The following PTPRK variants were observed in gnomAD, a reference collection of about 807,000 sequenced individuals.
PTPRK encodes the protein protein tyrosine phosphatase receptor type K, also known as receptor-type tyrosine-protein phosphatase kappa.
A neutral mutation model predicts 178.0 loss-of-function variants in PTPRK; 75 were observed. The observed-to-expected ratio is 0.42, with a 90% CI of 0.35 to 0.51. The LOEUF (loss-of-function observed/expected upper bound fraction) is 0.51. Ranked by LOEUF, PTPRK falls within the 20% of genes least tolerant of loss-of-function variation. The pLI is 0.02. For missense variants in PTPRK, 1,441 were observed against 1,797.8 expected, an observed-to-expected ratio of 0.80 and a Z score of 3.59; for synonymous variants, 637 against 620.6, an observed-to-expected ratio of 1.03 and a Z score of -0.39.
intron 1 of PTPRK, among the ~76,000 whole-genome samples, chr6:128,413,031 T>G (rs1842472932): frequency 6.6e-6 from 1 of 152,236 alleles, no homozygotes; most frequent in African/African-American, 2.4e-5. Flanking sequence ...CTCTTTTGTG[T>G]AATAAATATT....
intron 7 of PTPRK, among the ~76,000 whole-genome samples, chr6:128,178,690 T>C (rs550504710): frequency 1.3e-4 from 20 of 151,694 alleles, no homozygotes; most frequent in Middle Eastern, 3.4e-3. Context: ...TATCTATCTA[T>C]CTATCTATCT....
chr6:128,218,920 A>G lies in PTPRK; in HGVS notation c.868+2T>C, dbSNP rs1316924849. 6.2e-7 allele frequency: 1 copy of G among 1,606,430 alleles called. No homozygotes were observed. The highest frequency in any genetic ancestry group is 8.5e-7 in the Non-Finnish European group (1 of 1,175,138). On this transcript the variant is annotated splice_donor_variant, in intron 6 of 29. Coordinates refer to ENST00000368226, the MANE Select transcript of PTPRK (RefSeq NM_002844.4). LOFTEE classifies it high-confidence loss of function. Reference sequence around the variant, plus strand: ...CGTGAAGTGAAAACAATTTCACCTTACCTCTCACAATAAGTTGAGCAAAAT... The same window carrying G: ...CGTGAAGTGAAAACAATTTCACCTTGCCTCTCACAATAAGTTGAGCAAAAT...
At chr6:128,191,269 C>T (rs1301419232) in intron 6 of PTPRK, among the ~76,000 whole-genome samples, 2 of 151,920 alleles carry the variant, frequency 1.3e-5, no homozygotes, top group Admixed American at 1.3e-4. Context: ...CCAGTGGCTC[C>T]CTACTGGGGG....
intron 3 of PTPRK, among the ~76,000 whole-genome samples, chr6:128,245,089 C>T (rs990182968): frequency 6.6e-6 from 1 of 152,140 alleles, no homozygotes; most frequent in Non-Finnish European, 1.5e-5. Context: ...CATACACACA[C>T]ATAAATTGAT....
At chr6:128,105,129 TC>T (rs1334594441) in intron 7 of PTPRK, among the ~76,000 whole-genome samples, 2 of 151,306 alleles carry the variant, frequency 1.3e-5, no homozygotes, top group Non-Finnish European at 2.9e-5. Flanking sequence ...CTCACTTATT[TC>T]TTTTTTTTTT....
intron 13 of PTPRK, among the ~76,000 whole-genome samples, chr6:128,049,875 G>A (rs1000925914): frequency 2.0e-5 from 3 of 152,152 alleles, no homozygotes; most frequent in East Asian, 1.9e-4. Flanking sequence ...GGTGGCTCAC[G>A]CCTGTAATCC....
rs185185178 is a variant in PTPRK, at chr6:128,221,963, A to G, written c.694-2867T>C. Among the ~76,000 whole-genome samples, 39 of 152,080 alleles carry G rather than the reference A, an allele frequency of 2.6e-4. No individual in the cohort carries two copies. In the East Asian group the frequency reaches 2.9e-3, roughly 11 times the overall value. On this transcript the variant is annotated intron_variant, in intron 5 of 29. Coordinates refer to ENST00000368226, the MANE Select transcript of PTPRK (RefSeq NM_002844.4). Reference sequence around the variant, plus strand: ...ATTTCCATACAATCTTCCTAATTGGAAGGCCCACCACGCTGCTTACTTTTG... The same window carrying G: ...ATTTCCATACAATCTTCCTAATTGGGAGGCCCACCACGCTGCTTACTTTTG...
intron 1 of PTPRK, among the ~76,000 whole-genome samples, chr6:128,500,099 C>G (rs1855317543): frequency 6.6e-6 from 1 of 151,968 alleles, no homozygotes; most frequent in Non-Finnish European, 1.5e-5. Flanking sequence ...TGTAAATGGC[C>G]CAGAGAAACA....
At chr6:128,214,631 T>G (rs1461802293) in intron 6 of PTPRK, among the ~76,000 whole-genome samples, 1 of 151,940 alleles carries the variant, frequency 6.6e-6, no homozygotes, top group Non-Finnish European at 1.5e-5. Flanking sequence ...CAAGGAAGCA[T>G]GTAGTCATAT....
At chr6:128,353,305 A>G (rs1159456966) in intron 2 of PTPRK, among the ~76,000 whole-genome samples, 2 of 152,256 alleles carry the variant, frequency 1.3e-5, no homozygotes, top group Non-Finnish European at 2.9e-5. Flanking sequence ...ACAGCTTGAC[A>G]GTATTTTATG....
intron 19 of PTPRK, 104 bp downstream of exon 19, chr6:127,992,569 A>AT (rs1335182829): frequency 2.4e-5 from 23 of 953,980 alleles, no homozygotes; most frequent in African/African-American, 3.4e-5. Flanking sequence ...AGAAGGGCTG[A>AT]TTTTTTTGTT....
rs1817588277 is a variant in PTPRK at position 128,257,883 on chromosome 6, C to T, written c.496-15281G>A. Among the ~76,000 whole-genome samples, 2 of 151,606 alleles carry T rather than the reference C, an allele frequency of 1.3e-5. 1 individual carries two copies. Among genetic ancestry groups the T allele is most frequent in the South Asian group, 4.2e-4 (2 of 4,804 alleles). ...TAATTTTCTCTATACTGCGTGTCAC[C>T]AAAAAAACCAACATGATATACTCAA... is the stretch of plus-strand genomic sequence containing the variant. On this transcript the variant is annotated intron_variant, in intron 3 of 29. Transcript: ENST00000368226.
intron 13 of PTPRK, among the ~76,000 whole-genome samples, chr6:128,058,695 A>AAAT (rs1476205916): frequency 6.6e-6 from 1 of 152,080 alleles, no homozygotes; most frequent in East Asian, 1.9e-4. Flanking sequence ...CCTGTCTAAA[A>AAAT]AATCCTTGCC....
intron 14 of PTPRK, among the ~76,000 whole-genome samples, 170 bp downstream of exon 14, chr6:128,008,960 A>C (rs544672054): frequency 6.6e-6 from 1 of 151,374 alleles, no homozygotes; most frequent in Admixed American, 6.6e-5. Context: ...ATAACCAAAT[A>C]AGAATTTATT....
At chr6:128,386,173 C>A (rs1365010326) in intron 2 of PTPRK, among the ~76,000 whole-genome samples, 4 of 151,816 alleles carry the variant, frequency 2.6e-5, no homozygotes, top group African/African-American at 9.7e-5. Flanking sequence ...TTTTTTTCTA[C>A]TTTTCTTTAC....
chr6:128,120,430 T>C (rs943117196), intron 7 of PTPRK, among the ~76,000 whole-genome samples: 14 of 152,126 alleles, frequency 9.2e-5, no homozygotes, highest in African/African-American at 3.4e-4. Flanking sequence ...ATTTTGAATA[T>C]AGTAATCCCA....
intron 7 of PTPRK, among the ~76,000 whole-genome samples, chr6:128,105,134 T>TC: frequency 6.6e-6 from 1 of 151,808 alleles, no homozygotes; most frequent in African/African-American, 2.4e-5. Flanking sequence ...TTATTTCTTT[T>TC]TTTTTTTTTT....
chr6:128,059,378 C>T (rs1780442244), intron 13 of PTPRK, among the ~76,000 whole-genome samples: 1 of 152,092 alleles, frequency 6.6e-6, no homozygotes. Context: ...TATTCCTACA[C>T]TAATTTTTAG....
In PTPRK at chr6:127,979,860, C is replaced by G. The variant is rs1230950384; in HGVS notation, c.3711+1256G>C. Among the ~76,000 whole-genome samples, 5 of 152,140 alleles carry G rather than the reference C, an allele frequency of 3.3e-5. No homozygotes were observed. The East Asian group carries it at 9.6e-4, about 29-fold the overall frequency. ...TAAACTGTTTAAAAAGATTATAAAC[C>G]ATGATAGCTTTCTTGCTTCTTTCCA... On this transcript the variant is annotated intron_variant, in intron 25 of 29. Coordinates refer to ENST00000368226, the MANE Select transcript of PTPRK (RefSeq NM_002844.4).
Sources: gnomAD v4.1 joint callset for allele counts (sites outside exome capture counted in the v4.1 genomes callset) on GRCh38, gnomAD v4.1.1 for gene constraint, MANE v1.5 for transcripts, NCBI Gene and HGNC (gene_info 2026-07-23, HGNC 2026-07-21) for gene names.